Variants in KNL1 observed in about 807,000 individuals in gnomAD.
The protein encoded by KNL1 is kinetochore scaffold 1.
Under a neutral mutation model 201.3 loss-of-function variants are expected in KNL1, and 66 were observed. The ratio of observed to expected loss-of-function variants is 0.33; its 90% CI spans 0.27 to 0.40. The LOEUF (loss-of-function observed/expected upper bound fraction) is 0.40, where lower values mean the gene tolerates loss of function less well. KNL1 is among the 10% of genes least tolerant of loss of function. The pLI is 1.00. For synonymous variants in KNL1, 895 were observed against 899.2 expected (o/e 1.00, Z 0.08); for missense variants, 2,815 against 2,690.5 (o/e 1.05, Z -1.02).
At chr15:40,602,517 G>A (rs9920676) in intron 1 of KNL1, among the ~76,000 whole-genome samples, 47,274 of 97,832 alleles carry the variant, frequency 0.48, 9,213 homozygotes, top group Middle Eastern at 0.56. Flanking sequence ...ACAGAGTTTT[G>A]CTCTTGTCGC....
chr15:40,607,379 A>T (rs879440779), intron 4 of KNL1, among the ~76,000 whole-genome samples: 12 of 152,154 alleles, frequency 7.9e-5, no homozygotes, highest in Admixed American at 7.9e-4. Flanking sequence ...CCATGTCAGT[A>T]TTGTCATATT....
intron 14 of KNL1, among the ~76,000 whole-genome samples, chr15:40,644,730 A>G (rs1332360006): frequency 1.3e-5 from 2 of 152,232 alleles, no homozygotes; most frequent in African/African-American, 2.4e-5. Flanking sequence ...CATTTTGTCA[A>G]CAAGGCACGT....
intron 8 of KNL1, among the ~76,000 whole-genome samples, chr15:40,618,624 C>T (rs1159843040): frequency 6.6e-6 from 1 of 152,056 alleles, no homozygotes; most frequent in Non-Finnish European, 1.5e-5. Flanking sequence ...AATTATTGGT[C>T]TCTCTGTCAC....
chr15:40,663,750 TA>T lies in KNL1; in HGVS notation c.*1564del, dbSNP rs1893978784. The stretch of plus-strand genomic sequence containing the variant: ...ATTTACTCAAACTTCATTCAAATCC[TA>T]ATTGTGATAATTTTTGTTTTATATT... On this transcript the variant is annotated 3_prime_UTR_variant, in exon 26 of 26. Coordinates refer to ENST00000399668, the MANE Select transcript of KNL1 (RefSeq NM_144508.5). The T allele has an allele frequency of 5.2e-6, 1 of 192,152 alleles. No homozygotes were observed. Among genetic ancestry groups the T allele is most frequent in the South Asian group, 1.9e-4 (1 of 5,160 alleles). 11.9% of individuals were successfully genotyped at this position (192,152 alleles called of 1,614,324 possible).
Position 40,619,022 on chromosome 15 carries a change from A to C in KNL1, c.375+11A>C, listed in dbSNP as rs202023529. 51 of 1,526,990 alleles carry C rather than the reference A, an allele frequency of 3.3e-5. No individual in the cohort carries two copies. The highest frequency in any genetic ancestry group is 5.0e-5 in the Admixed American group (3 of 59,898). 94.6% of individuals were successfully genotyped at this position (1,526,990 alleles called of 1,614,324 possible). A position where few individuals can be genotyped will look rare whatever the true frequency, so the allele number is the denominator to read the frequency against. On this transcript the variant is annotated intron_variant, in intron 9 of 25. Transcript: ENST00000399668. ...ATGCAACAGAAGGAGGTATGAGTTC[A>C]TGCAAATACCTTCATATTGTAATGT...
intron 14 of KNL1, among the ~76,000 whole-genome samples, chr15:40,643,568 C>T (rs973407252): frequency 1.3e-5 from 2 of 152,168 alleles, no homozygotes; most frequent in Non-Finnish European, 2.9e-5. Flanking sequence ...TTGCTTGAAC[C>T]CAGAAGGTGG....
At chr15:40,619,036 A>G (rs1199236764) in intron 9 of KNL1, 25 bp downstream of exon 9, 4 of 1,415,700 alleles carry the variant, frequency 2.8e-6, no homozygotes, top group Admixed American at 1.7e-5. Flanking sequence ...AAATACCTTC[A>G]TATTGTAATG....
At chr15:40,639,298 A>AG (rs1218936049) in intron 13 of KNL1, among the ~76,000 whole-genome samples, 1 of 151,396 alleles carries the variant, frequency 6.6e-6, no homozygotes, top group East Asian at 2.0e-4. Context: ...TAAAAAAAAA[A>AG]ATTTTGGCCG....
chr15:40,605,152 A>G lies in KNL1; in HGVS notation c.75+3A>G. 1 of 1,449,280 alleles carries G rather than the reference A, an allele frequency of 6.9e-7. No homozygotes were observed. Among genetic ancestry groups the G allele is most frequent in the Non-Finnish European group, 9.7e-7 (1 of 1,030,640 alleles). The allele number at this position is 1,449,280 out of a possible 1,614,324, so 89.8% of individuals were successfully genotyped here. ...CTGTTAGAAGACGGCATTCTTCAGT[A>G]AGAAAGACTTTCTTGAATTAATAAT... On this transcript the variant is annotated splice_donor_region_variant and intron_variant, in intron 3 of 25. Coordinates refer to ENST00000399668, the MANE Select transcript of KNL1 (RefSeq NM_144508.5).
intron 24 of KNL1, among the ~76,000 whole-genome samples, chr15:40,658,259 T>C (rs1009466186): frequency 2.8e-5 from 4 of 144,610 alleles, no homozygotes; most frequent in Admixed American, 2.8e-4. Context: ...AGAGACTCCA[T>C]ATCCTCACAC....
intron 25 of KNL1, among the ~76,000 whole-genome samples, chr15:40,660,614 G>A (rs1157180031): frequency 2.2e-5 from 3 of 137,480 alleles, no homozygotes; most frequent in Non-Finnish European, 3.0e-5. Flanking sequence ...GCAGTGAGCC[G>A]AGATTGCACC....
intron 6 of KNL1, 64 bp downstream of exon 6, chr15:40,610,361 AC>A: frequency 2.5e-6 from 2 of 810,664 alleles, no homozygotes; most frequent in Non-Finnish European, 2.1e-6. Context: ...TAGCTATCTA[AC>A]CAGACAACTA....
At chr15:40,637,103 G>A (rs532486906) in intron 13 of KNL1, among the ~76,000 whole-genome samples, 3 of 149,534 alleles carry the variant, frequency 2.0e-5, no homozygotes, top group African/African-American at 4.9e-5. Context: ...AAACATTGCC[G>A]ATTAGTTGAA....
At chr15:40,611,190 T>C (rs558329035) in intron 6 of KNL1, among the ~76,000 whole-genome samples, 2 of 150,920 alleles carry the variant, frequency 1.3e-5, no homozygotes, top group East Asian at 3.9e-4. Context: ...CTAACTGCAA[T>C]CTCTGCCTCC....
At chr15:40,650,129 A>G (rs1209497502) in intron 17 of KNL1, 172 bp from the exon 18 acceptor site, 10 of 495,792 alleles carry the variant, frequency 2.0e-5, no homozygotes, top group Middle Eastern at 5.6e-4. Context: ...TTCACAGAAA[A>G]AAAAAAAAAA....
intron 2 of KNL1, among the ~76,000 whole-genome samples, chr15:40,604,711 A>G (rs186435094): frequency 2.0e-5 from 3 of 152,278 alleles, no homozygotes; most frequent in African/African-American, 7.2e-5. Context: ...GATTATTATA[A>G]TCTCAACACT....
At position 40,620,736 on chromosome 15, in the gene KNL1, A is replaced by G; in HGVS notation, c.472A>G (p.Thr158Ala). ...CCAGATGGACCTGACATCAAGTCAC[A>G]CTGTAATGATTACCAAAGGCCTTTT... ...ENQMDLTSSH[T>A]VMITKGLLDN... Residue 158 changes from threonine to alanine, a missense_variant, in exon 10 of 26, where the codon ACT becomes GCT. By Grantham distance (58) the Thr-to-Ala change is moderately conservative. Around this residue, in one of 3 missense-constraint regions of KNL1, gnomAD observed 2,464 missense variants for 2,291.7 expected, o/e 1.08. Transcript: ENST00000399668. The G allele has an allele frequency of 1.2e-6, 2 of 1,612,464 alleles. No individual in the cohort carries two copies. Among genetic ancestry groups the G allele is most frequent in the Middle Eastern group, 3.3e-4 (2 of 6,056 alleles).
In KNL1 at chr15:40,602,580, G is replaced by A. The variant is rs568753365; in HGVS notation, c.-17-335G>A. 2.8e-5 allele frequency among the ~76,000 whole-genome samples: 4 copies of A among 143,048 alleles called. No homozygotes were observed. The East Asian group carries it at 8.4e-4, about 30-fold the overall frequency. 93.8% of individuals were successfully genotyped at this position (143,048 alleles called of 152,430 possible). A position where few individuals can be genotyped will look rare whatever the true frequency, so the allele number is the denominator to read the frequency against. The stretch of plus-strand genomic sequence containing the variant: ...CAGCTCACCGCAACCTCCGCGTCCT[G>A]GATTCAAGCGAGTCTCCTACCTCAG... On this transcript the variant is annotated intron_variant, in intron 1 of 25. Coordinates refer to ENST00000399668, the MANE Select transcript of KNL1 (RefSeq NM_144508.5).
intron 13 of KNL1, among the ~76,000 whole-genome samples, chr15:40,633,855 G>A (rs1892982889): frequency 6.6e-6 from 1 of 152,064 alleles, no homozygotes; most frequent in African/African-American, 2.4e-5. Context: ...TTATTTTAGA[G>A]TATATTCCAA....
Sources: allele counts gnomAD v4.1 joint callset (sites outside exome capture counted in the v4.1 genomes callset), GRCh38; gene constraint gnomAD v4.1.1; regional missense constraint gnomAD v4.1.1; transcripts MANE v1.5; gene names NCBI Gene and HGNC (gene_info 2026-07-23, HGNC 2026-07-21).